MYO15B: variants seen among roughly 807,000 people sequenced by gnomAD.
The protein encoded by MYO15B is myosin XVB.
MYO15B carries 207 observed loss-of-function variants against 119.3 expected under a neutral mutation model. That is an observed-to-expected ratio of 1.73 (90% confidence interval 1.55 to 1.95). The LOEUF (loss-of-function observed/expected upper bound fraction) is 1.95, where lower values mean the gene tolerates loss of function less well. Ranked by LOEUF, MYO15B falls within the 30% of genes most tolerant of loss-of-function variation. The pLI is 0.00. For synonymous variants in MYO15B, 966 were observed against 498.9 expected, an observed-to-expected ratio of 1.94 and a Z score of -12.48; for missense variants, 2,264 against 1,203.1, an observed-to-expected ratio of 1.88 and a Z score of -13.04.
chr17:75,613,658 G>A, intron 28 of MYO15B, 47 bp from the exon 29 acceptor site: 1 of 696,496 alleles, frequency 1.4e-6, no homozygotes, highest in Non-Finnish European at 2.6e-6. Flanking sequence ...TGTCAGGGTG[G>A]ACTCTGCTGT....
At chr17:75,614,083 A>G (rs527739487) in intron 29 of MYO15B, 116 bp from the exon 30 acceptor site, 2 of 635,144 alleles carry the variant, frequency 3.1e-6, no homozygotes, top group Admixed American at 4.5e-5. Context: ...GTCCCGGACC[A>G]GGCGGATCCA....
chr17:75,587,857 T>C (rs2056167909), exon 1 of MYO15B, among the ~76,000 whole-genome samples: 2 of 152,362 alleles, frequency 1.3e-5, no homozygotes, highest in South Asian at 2.1e-4. Context: ...TCTATTCCAT[T>C]GTTGGCCGAG....
intron 49 of MYO15B, 98 bp downstream of exon 49, chr17:75,620,734 C>A: frequency 1.4e-6 from 1 of 694,038 alleles, no homozygotes; most frequent in South Asian, 1.5e-5. Flanking sequence ...TGCGGTGGGA[C>A]CACCCTGCTG....
rs139077523 is a variant in MYO15B, at chr17:75,589,672, C to T, written c.1615C>T (p.Pro539Ser). 775 of 398,940 alleles carry T rather than the reference C, an allele frequency of 1.9e-3. 1 individual carries two copies. The highest frequency in any genetic ancestry group is 2.7e-3 in the Admixed American group (62 of 22,740). 24.7% of individuals were successfully genotyped at this position (398,940 alleles called of 1,614,324 possible). ...CCCTTTTGATCAGGAGGACGAGACT[C>T]CAGATCCCAAGTTCGCGGTCGTGTT... Residue 539 changes from proline (P) to serine (S), a missense_variant, in exon 1 of 64, where the codon CCA (proline) becomes TCA (serine). Coordinates refer to ENST00000645453, the Ensembl canonical transcript of MYO15B. This position sits in a 1 kb window ranked among gnomAD's most constrained non-coding sequence, Gnocchi z 4.2.
intron 14 of MYO15B, among the ~76,000 whole-genome samples, chr17:75,599,834 G>A (rs2057128302): frequency 6.7e-6 from 1 of 150,280 alleles, no homozygotes; most frequent in Non-Finnish European, 1.5e-5. Context: ...GGTGGAGGTT[G>A]CAGTGAGCCG....
intron 21 of MYO15B, 57 bp downstream of exon 21, chr17:75,606,078 C>T (rs2057627732): frequency 3.2e-6 from 2 of 625,342 alleles, no homozygotes; most frequent in South Asian, 1.7e-5. Context: ...TGGGTTCGTC[C>T]TCCAGGTGGT....
intron 21 of MYO15B, 150 bp from the exon 22 acceptor site, chr17:75,610,016 T>C: frequency 1.9e-6 from 1 of 521,760 alleles, no homozygotes; most frequent in Non-Finnish European, 3.5e-6. Flanking sequence ...AAGTATCCTA[T>C]TCTTTTCCTG....
chr17:75,626,078 C>A lies in MYO15B; in HGVS notation c.9073-10C>A, dbSNP rs1422987252. 4 of 702,016 alleles carry A rather than the reference C, an allele frequency of 5.7e-6. No individual in the cohort carries two copies. In the East Asian group the frequency reaches 1.1e-4, roughly 19 times the overall value. The allele number at this position is 702,016 out of a possible 1,614,324, so 43.5% of individuals were successfully genotyped here. A position where few individuals can be genotyped will look rare whatever the true frequency, so the allele number is the denominator to read the frequency against. On this transcript the variant is annotated splice_polypyrimidine_tract_variant and intron_variant, in intron 62 of 63. Coordinates refer to ENST00000645453, the Ensembl canonical transcript of MYO15B. ...GAGAGGAGACCAGCCCTGCTCTCTG[C>A]TGCCCCCAGAGCCTGTACTGCCGCA...
chr17:75,610,177 T>C (rs2057930941), exon 22 of MYO15B: 1 of 700,700 alleles, frequency 1.4e-6, no homozygotes, highest in African/African-American at 1.8e-5. Flanking sequence ...AAGCGGTACC[T>C]CCGGCGGCGG....
exon 34 of MYO15B, chr17:75,615,315 T>C: frequency 1.4e-6 from 1 of 702,612 alleles, no homozygotes; most frequent in South Asian, 1.5e-5. Flanking sequence ...ATGCCAGCAA[T>C]GGGCACAGTC....
At chr17:75,591,378 C>T (rs1375363873) in intron 4 of MYO15B, 132 bp downstream of exon 4, 8 of 622,960 alleles carry the variant, frequency 1.3e-5, no homozygotes, top group Admixed American at 1.0e-4. Flanking sequence ...TCCTCAGGGC[C>T]GAGCTCCTGG....
rs1278390049 is a variant in MYO15B, at chr17:75,589,458, G to C, written c.1401G>C (p.Glu467Asp). ...GGCGGGGCTGCGGGAAAGCGGACGA[G>C]GGGCGGGGTCACGAGAGAGGTGACG... The change falls in exon 1 of 64, where the codon GAG (glutamate) becomes GAC (aspartate). Residue 467 changes from glutamate (E) to aspartate (D), a missense_variant. Coordinates refer to ENST00000645453, the Ensembl canonical transcript of MYO15B. The surrounding 1 kb of genome is among the most constrained non-coding windows in gnomAD (Gnocchi z 4.2). The C allele has an allele frequency of 5.0e-6, 2 of 397,598 alleles. No homozygotes were observed. The highest frequency in any genetic ancestry group is 8.9e-6 in the Non-Finnish European group (2 of 225,824). 24.6% of individuals were successfully genotyped at this position (397,598 alleles called of 1,614,324 possible). A position where few individuals can be genotyped will look rare whatever the true frequency, so the allele number is the denominator to read the frequency against.
At chr17:75,616,083 G>A (rs1275087717) in exon 37 of MYO15B, 1 of 578,546 alleles carries the variant, frequency 1.7e-6, no homozygotes, top group Admixed American at 3.4e-5. Context: ...CCTCCGAGGA[G>A]GCTGAAGACA....
At chr17:75,601,473 T>C (rs998122729) in exon 15 of MYO15B, 1 of 703,044 alleles carries the variant, frequency 1.4e-6, no homozygotes, top group East Asian at 2.7e-5. Flanking sequence ...AGAGCCACTA[T>C]CACCATGGTG....
intron 12 of MYO15B, 108 bp downstream of exon 12, chr17:75,595,080 G>A (rs973790016): frequency 1.4e-5 from 9 of 643,166 alleles, no homozygotes; most frequent in Admixed American, 1.4e-4. Context: ...CGAGGTGCTT[G>A]TCTGTCTGGC....
chr17:75,591,221 G>A (rs2056423885), exon 4 of MYO15B: 4 of 702,948 alleles, frequency 5.7e-6, no homozygotes. Context: ...TCAGAATACT[G>A]GGCAGGACCC....
chr17:75,611,889 A>G (rs762006085), exon 25 of MYO15B: 37 of 702,822 alleles, frequency 5.3e-5, no homozygotes, highest in African/African-American at 3.5e-5. Flanking sequence ...TTCCCAGGCC[A>G]TCGGGACGCC....
In MYO15B at chr17:75,619,699, G is replaced by A. The variant is rs149727509; in HGVS notation, c.7201G>A (p.Val2401Met). ...CCTGTAGGGCGAGAGTGGCAGCGAC[G>A]TGCAGCTGTTAGCCGTGTCCCACCG... The change falls in exon 46 of 64, where the codon GTG (valine) becomes ATG (methionine). Residue 2401 changes from valine to methionine, a missense_variant. By Grantham distance (21) the Val-to-Met change is conservative (BLOSUM62 1). Transcript: ENST00000645453. 1.3e-3 allele frequency: 912 copies of A among 702,882 alleles called. 10 individuals are homozygous for A. In the African/African-American group the frequency reaches 0.013, roughly 10 times the overall value. The allele number at this position is 702,882 out of a possible 1,614,324, so 43.5% of individuals were successfully genotyped here.
chr17:75,608,909 T>A (rs749605777), intron 21 of MYO15B, among the ~76,000 whole-genome samples: 8 of 152,138 alleles, frequency 5.3e-5, no homozygotes, highest in Non-Finnish European at 1.2e-4. Context: ...AATTTTTGTA[T>A]TTTTAGTAGA....
Sources: gnomAD v4.1 joint callset for allele counts (sites outside exome capture counted in the v4.1 genomes callset) on GRCh38, gnomAD v4.1.1 for gene constraint, Gnocchi (gnomAD v3.1) non-coding constraint, MANE v1.5 for transcripts, NCBI Gene and HGNC (gene_info 2026-07-23, HGNC 2026-07-21) for gene names.